RARB: variants seen among roughly 807,000 people sequenced by gnomAD.
RARB encodes HBV-activated protein.
RARB carries 17 observed loss-of-function variants against 51.9 expected under a neutral mutation model. The observed-to-expected ratio is 0.33, with a 90% CI of 0.22 to 0.49. The LOEUF (loss-of-function observed/expected upper bound fraction) is 0.49. Among genes scored for constraint, RARB ranks in the 20% least tolerant of loss-of-function variants. The pLI is 0.99. For synonymous variants in RARB, 215 were observed against 195.4 expected, an observed-to-expected ratio of 1.10 and a Z score of -0.84; for missense variants, 369 against 550.8, an observed-to-expected ratio of 0.67 and a Z score of 3.30.
exon 5 of RARB, chr3:25,174,520 C>T (rs774235024): frequency 1.4e-4 from 186 of 1,352,150 alleles, no homozygotes; most frequent in Admixed American, 3.6e-4. Flanking sequence ...TGCCTCCCCT[C>T]CATGGCCTTC....
chr3:25,196,311 A>G (rs878992399), intron 5 of RARB, among the ~76,000 whole-genome samples: 1 of 151,996 alleles, frequency 6.6e-6, no homozygotes, highest in Non-Finnish European at 1.5e-5. Context: ...ATGAGTGAGA[A>G]CATGTAGTGT....
intron 2 of RARB, among the ~76,000 whole-genome samples, chr3:25,036,165 G>T (rs1291918907): frequency 2.0e-5 from 3 of 152,068 alleles, no homozygotes; most frequent in Admixed American, 2.0e-4. Flanking sequence ...CCCAGCCAGG[G>T]GGACAAAAAT....
intron 5 of RARB, among the ~76,000 whole-genome samples, chr3:25,304,720 C>T (rs951903124): frequency 2.0e-5 from 3 of 152,286 alleles, no homozygotes; most frequent in East Asian, 1.9e-4. Context: ...CTTGCTCCCA[C>T]TCTTGTCCTT....
chr3:24,933,627 G>A lies in RARB; in HGVS notation c.-380+74875G>A, dbSNP rs535214854. On this transcript the variant is annotated intron_variant, in intron 2 of 11. Transcript: ENST00000383772. ...ATACTCACAGCTGCATTCTTCAAGA[G>A]CAGAAGTTATTACAGCACTCAGAGA... Among the ~76,000 whole-genome samples the A allele has an allele frequency of 8.5e-5, 13 of 152,130 alleles. No individual in the cohort carries two copies. In the East Asian group the frequency reaches 2.5e-3, roughly 29 times the overall value.
intron 5 of RARB, among the ~76,000 whole-genome samples, chr3:25,346,959 C>G (rs950350955): frequency 6.6e-6 from 1 of 152,196 alleles, no homozygotes; most frequent in Non-Finnish European, 1.5e-5. Flanking sequence ...CATGAGTAGT[C>G]TTCCATGTAG....
intron 1 of RARB, among the ~76,000 whole-genome samples, chr3:25,451,126 A>G (rs996091754): frequency 6.6e-6 from 1 of 152,160 alleles, no homozygotes; most frequent in African/African-American, 2.4e-5. Flanking sequence ...ACCCTGCCCT[A>G]GATTAAGGAA....
chr3:25,498,398 A>C (rs536559023), intron 2 of RARB, among the ~76,000 whole-genome samples: 46 of 152,292 alleles, frequency 3.0e-4, no homozygotes, highest in African/African-American at 1.0e-3. Context: ...CTTGGAGGGC[A>C]CGTCTGTTTA....
At chr3:24,889,675 A>AGTGTGTGTGTGTGT (rs71057686) in intron 2 of RARB, among the ~76,000 whole-genome samples, 3,393 of 142,850 alleles carry the variant, frequency 0.024, 66 homozygotes, top group African/African-American at 0.04. Context: ...CACCTCTTAA[A>AGTGTGTGTGTGTGT]GTGTGTGTGT....
intron 2 of RARB, among the ~76,000 whole-genome samples, chr3:24,984,960 C>T (rs757180311): frequency 2.6e-5 from 4 of 152,192 alleles, no homozygotes. Context: ...ACTTCTCCCT[C>T]CTGAAGCTCA....
chr3:25,330,706 G>A (rs1704865601), intron 5 of RARB, among the ~76,000 whole-genome samples: 1 of 152,128 alleles, frequency 6.6e-6, no homozygotes, highest in African/African-American at 2.4e-5. Flanking sequence ...CCAATTAAAA[G>A]ACACAGACTG....
In RARB at chr3:25,268,094, C is replaced by T. The variant is rs138420281; in HGVS notation, c.178+93519C>T. On this transcript the variant is annotated intron_variant, in intron 5 of 11. Transcript: ENST00000383772. ...AATAAAATTTTATAATCTTCCCAAA[C>T]AAAAAAAGTGCTTGAGGTCACAGTC... Among the ~76,000 whole-genome samples the T allele has an allele frequency of 2.1e-3, 312 of 152,118 alleles. 1 individual carries two copies. Among genetic ancestry groups the T allele is most frequent in the African/African-American group, 5.7e-3 (238 of 41,532 alleles).
intron 5 of RARB, among the ~76,000 whole-genome samples, chr3:25,175,227 G>A (rs1307834277): frequency 4.6e-5 from 7 of 152,138 alleles, no homozygotes; most frequent in Non-Finnish European, 8.8e-5. Flanking sequence ...CATCTATATT[G>A]TGCAATTTTT....
At chr3:24,877,147 T>C (rs768479082) in intron 2 of RARB, among the ~76,000 whole-genome samples, 1 of 152,078 alleles carries the variant, frequency 6.6e-6, no homozygotes, top group African/African-American at 2.4e-5. Context: ...AATATATCTA[T>C]ATATCTTTTG....
At position 24,895,572 on chromosome 3, in the gene RARB, C is replaced by G. The variant is rs547216738; in HGVS notation, c.-380+36820C>G. 6.0e-5 allele frequency among the ~76,000 whole-genome samples: 9 copies of G among 150,092 alleles called. No homozygotes were observed. In the East Asian group the frequency reaches 1.8e-3, roughly 29 times the overall value. On this transcript the variant is annotated intron_variant, in intron 2 of 11. Transcript: ENST00000383772. ...AAAATTTACGCTTTTTTTTTTCTTTCTATATGCTAATTATCTTTCTCACTT... is the reference window on the plus strand; with the variant it reads ...AAAATTTACGCTTTTTTTTTTCTTTGTATATGCTAATTATCTTTCTCACTT...
intron 1 of RARB, among the ~76,000 whole-genome samples, chr3:24,840,742 TAA>T (rs55771334): frequency 0.011 from 802 of 70,346 alleles, 3 homozygotes; most frequent in Middle Eastern, 0.067. Flanking sequence ...TGAGTAAGAG[TAA>T]AAAAAAAAAA....
At chr3:25,466,883 T>G (rs1384654041) in intron 2 of RARB, among the ~76,000 whole-genome samples, 1 of 152,242 alleles carries the variant, frequency 6.6e-6, no homozygotes, top group Non-Finnish European at 1.5e-5. Flanking sequence ...TGGACCAGAT[T>G]TGGCCCTTGA....
chr3:25,299,724 C>A (rs1349105524), intron 5 of RARB, among the ~76,000 whole-genome samples: 1 of 151,826 alleles, frequency 6.6e-6, no homozygotes, highest in Non-Finnish European at 1.5e-5. Context: ...AGTTTACAAC[C>A]CTCAGCAGCC....
At chr3:25,570,797 G>C (rs1385764697) in intron 4 of RARB, among the ~76,000 whole-genome samples, 1 of 152,096 alleles carries the variant, frequency 6.6e-6, no homozygotes, top group South Asian at 2.1e-4. Flanking sequence ...AAAAAGCTTA[G>C]GTTGCTCACC....
chr3:24,961,996 C>A (rs1175589293), intron 2 of RARB, among the ~76,000 whole-genome samples: 2 of 119,232 alleles, frequency 1.7e-5, no homozygotes, highest in African/African-American at 6.5e-5. Flanking sequence ...ATGGCGCTAT[C>A]ATGGCTCACT....
Sources: gnomAD v4.1 joint callset for allele counts (sites outside exome capture counted in the v4.1 genomes callset) on GRCh38, gnomAD v4.1.1 for gene constraint, MANE v1.5 for transcripts, NCBI Gene and HGNC (gene_info 2026-07-23, HGNC 2026-07-21) for gene names.